DMBT1: variants seen among roughly 807,000 people sequenced by gnomAD.
DMBT1 encodes the protein deleted in malignant brain tumors 1, also known as scavenger receptor cysteine-rich domain-containing protein DMBT1.
Under a neutral mutation model 252.9 loss-of-function variants are expected in DMBT1, and 198 were observed. The observed-to-expected ratio is 0.78, with a 90% CI of 0.70 to 0.88. The LOEUF is 0.88. Ranked by LOEUF, DMBT1 falls within the 40% of genes least tolerant of loss-of-function variation. The probability of loss-of-function intolerance (pLI) is 0.00; values close to 1 mark genes in which losing one functional copy is unlikely to be tolerated. For synonymous variants in DMBT1, 990 were observed against 942.7 expected (o/e 1.05, Z -0.92); for missense variants, 2,432 against 2,404.7 (o/e 1.01, Z -0.24).
At chr10:122,572,093 TG>T (rs1377708179) in intron 4 of DMBT1, among the ~76,000 whole-genome samples, 2 of 152,082 alleles carry the variant, frequency 1.3e-5, no homozygotes, top group African/African-American at 4.8e-5. Flanking sequence ...CAGAAGAGGT[TG>T]GGGGAGGGTA....
chr10:122,578,177 T>A, intron 8 of DMBT1, among the ~76,000 whole-genome samples: 1 of 152,152 alleles, frequency 6.6e-6, no homozygotes, highest in Non-Finnish European at 1.5e-5. Flanking sequence ...GGTGAGACCC[T>A]CTAATGTTCT....
Position 122,585,970 on chromosome 10 carries a change from G to A in DMBT1, c.1460-90G>A, listed in dbSNP as rs375545615. The A allele has an allele frequency of 1.9e-6, 3 of 1,564,990 alleles. 1 individual carries two copies. Among genetic ancestry groups the A allele is most frequent in the African/African-American group, 2.7e-5 (2 of 74,242 alleles). ...GTGACTGCCTGCCCAGGTGACTTTAGCCATTAGGACGTGCCTTGAGTGTGG... is the reference window on the plus strand; with the variant it reads ...GTGACTGCCTGCCCAGGTGACTTTAACCATTAGGACGTGCCTTGAGTGTGG... On this transcript the variant is annotated intron_variant, in intron 15 of 55. Transcript: ENST00000338354.
chr10:122,599,954 G>A, intron 26 of DMBT1, 110 bp from the exon 27 acceptor site: 1 of 1,462,530 alleles, frequency 6.8e-7, no homozygotes, highest in Non-Finnish European at 9.5e-7. Flanking sequence ...TGTGTGATAG[G>A]AACTAGGATG....
rs147107746 is a variant in DMBT1, at chr10:122,591,960, T to A, written c.2177-312T>A. 1.0e-4 allele frequency among the ~76,000 whole-genome samples: 15 copies of A among 149,078 alleles called. 1 individual carries two copies. In the East Asian group the frequency reaches 2.9e-3, roughly 29 times the overall value. ...CAAACTCTTCGACATGGGGATAGCA[T>A]AGGCCTGCCCTCTGGAGCAGTGGAG... On this transcript the variant is annotated intron_variant, in intron 19 of 55. Transcript: ENST00000338354.
At chr10:122,566,084 A>T (rs1457350532) in intron 2 of DMBT1, 88 bp downstream of exon 2, 1 of 1,401,992 alleles carries the variant, frequency 7.1e-7, no homozygotes, top group Non-Finnish European at 1.0e-6. Context: ...AGCACAGCTG[A>T]GGTCACAGAG....
chr10:122,579,507 A>G (rs2097746264), intron 9 of DMBT1, 71 bp from the exon 10 acceptor site: 5 of 1,607,236 alleles, frequency 3.1e-6, no homozygotes, highest in Admixed American at 3.3e-5. Flanking sequence ...AAGTACCCTG[A>G]GTGTGGAACT....
intron 3 of DMBT1, among the ~76,000 whole-genome samples, chr10:122,570,513 G>C (rs1465033434): frequency 6.6e-6 from 1 of 152,140 alleles, no homozygotes; most frequent in Admixed American, 6.6e-5. Flanking sequence ...CCACCTTCTC[G>C]GGAATATTTC....
rs775435457 is a variant in DMBT1 at position 122,618,281 on chromosome 10, A to G, written c.5156A>G (p.His1719Arg). The G allele has an allele frequency of 1.1e-5, 18 of 1,613,702 alleles. No individual in the cohort carries two copies. The highest frequency in any genetic ancestry group is 1.3e-5 in the African/African-American group (1 of 74,908). The change falls in exon 41 of 56, where the codon CAC becomes CGC. Residue 1719 changes from histidine to arginine, a missense_variant. His to Arg is a conservative substitution (Grantham distance 29). Transcript: ENST00000338354. ...GHESYLWSCP[H>R]NGWLSHNCGH... ...GAGTCTTACCTGTGGAGCTGCCCCC[A>G]CAATGGCTGGCTCTCCCACAACTGT...
At chr10:122,574,025 T>C (rs1278104473) in intron 6 of DMBT1, among the ~76,000 whole-genome samples, 2 of 152,170 alleles carry the variant, frequency 1.3e-5, no homozygotes, top group African/African-American at 4.8e-5. Context: ...TCTGTTATCT[T>C]TGCTTGTTGC....
chr10:122,599,192 T>C, intron 26 of DMBT1, 95 bp downstream of exon 26: 3 of 1,579,968 alleles, frequency 1.9e-6, no homozygotes, highest in Non-Finnish European at 2.6e-6. Context: ...TCAAAGCTTC[T>C]TCTATGTTTT....
chr10:122,618,826 G>C (rs371359107), intron 41 of DMBT1, among the ~76,000 whole-genome samples: 1 of 152,262 alleles, frequency 6.6e-6, no homozygotes, highest in South Asian at 2.1e-4. Context: ...ATGTCTGTTT[G>C]TGTCAGGCCT....
chr10:122,641,220 G>C (rs1052331641), intron 55 of DMBT1, among the ~76,000 whole-genome samples: 1 of 152,156 alleles, frequency 6.6e-6, no homozygotes, highest in South Asian at 2.1e-4. Flanking sequence ...AGCTTCCCTG[G>C]ATGACTGCAT....
At chr10:122,566,116 G>T (rs1053781922) in intron 2 of DMBT1, 120 bp downstream of exon 2, 6 of 995,274 alleles carry the variant, frequency 6.0e-6, no homozygotes, top group Non-Finnish European at 9.4e-6. Context: ...CTTGTCGAAT[G>T]CAGGAATGCC....
chr10:122,592,435 G>A lies in DMBT1; in HGVS notation c.2340G>A (p.Thr780=), dbSNP rs761013722. ...VCRQLGCGWA[T]SAPGNARFGQ... ...GGCAGCTGGGCTGTGGCTGGGCCAC[G>A]TCGGCCCCAGGAAATGCCCGGTTTG... is the stretch of plus-strand genomic sequence containing the variant. Residue 780 remains threonine, a synonymous_variant, in exon 20 of 56, where the codon ACG becomes ACA. Coordinates refer to ENST00000338354, the MANE Select transcript of DMBT1 (RefSeq NM_001377530.1). 26 of 1,588,172 alleles carry A rather than the reference G, an allele frequency of 1.6e-5. 4 individuals are homozygous for A. The highest frequency in any genetic ancestry group is 2.1e-5 in the Non-Finnish European group (25 of 1,165,780).
In DMBT1 at chr10:122,560,775, G is replaced by A; in HGVS notation, c.5G>A (p.Gly2Glu). M[G>E]ISTVILEMCL... ...AATTGAGAAGAACCCAGCAAAATGGGGATCTCCACAGTCATCCTTGAAATG... is the reference window on the plus strand; with the variant it reads ...AATTGAGAAGAACCCAGCAAAATGGAGATCTCCACAGTCATCCTTGAAATG... Residue 2 changes from glycine to glutamate, a missense_variant, in exon 1 of 56, where the codon GGG becomes GAG. Transcript: ENST00000338354. The A allele has an allele frequency of 3.2e-6, 5 of 1,570,270 alleles. No homozygotes were observed. The highest frequency in any genetic ancestry group is 3.5e-6 in the Non-Finnish European group (4 of 1,155,820).
chr10:122,591,103 G>T (rs115566037), intron 18 of DMBT1, among the ~76,000 whole-genome samples: 2 of 148,644 alleles, frequency 1.3e-5, no homozygotes, highest in African/African-American at 2.4e-5. Flanking sequence ...GCCTCCACTT[G>T]CCAGGAGACT....
At chr10:122,634,166 A>G (rs1469288020) in intron 52 of DMBT1, among the ~76,000 whole-genome samples, 1 of 151,982 alleles carries the variant, frequency 6.6e-6, no homozygotes, top group Admixed American at 6.6e-5. Flanking sequence ...AAAAAGAACA[A>G]TTGTATCTGT....
intron 40 of DMBT1, among the ~76,000 whole-genome samples, 155 bp downstream of exon 40, chr10:122,617,415 G>A (rs555164545): frequency 6.6e-5 from 10 of 151,430 alleles, no homozygotes; most frequent in Admixed American, 3.3e-4. Flanking sequence ...GTCAGCCCTG[G>A]GTTTGATGTT....
intron 45 of DMBT1, among the ~76,000 whole-genome samples, chr10:122,625,615 G>C (rs1316237258): frequency 6.6e-6 from 1 of 152,212 alleles, no homozygotes. Flanking sequence ...ATTAACCCAT[G>C]GAAAATTAGG....
Sources: allele counts gnomAD v4.1 joint callset (sites outside exome capture counted in the v4.1 genomes callset), GRCh38; gene constraint gnomAD v4.1.1; transcripts MANE v1.5; gene names NCBI Gene and HGNC (gene_info 2026-07-23, HGNC 2026-07-21).